The following GNA14 variants were observed in gnomAD, a reference collection of about 807,000 sequenced individuals.
The protein encoded by GNA14 is G protein subunit alpha 14, also known as guanine nucleotide-binding protein subunit alpha-14.
A neutral mutation model predicts 42.0 loss-of-function variants in GNA14; 50 were observed. That is an observed-to-expected ratio of 1.19 (90% CI 0.95 to 1.51). The LOEUF is 1.51. Ranked by LOEUF, GNA14 falls within the 40% of genes most tolerant of loss-of-function variation. The pLI is 0.00. For synonymous variants in GNA14, 173 were observed against 163.1 expected, an observed-to-expected ratio of 1.06 and a Z score of -0.46; for missense variants, 473 against 446.2, an observed-to-expected ratio of 1.06 and a Z score of -0.54.
chr9:77,576,826 T>G (rs1259521697), intron 1 of GNA14, among the ~76,000 whole-genome samples: 1 of 151,970 alleles, frequency 6.6e-6, no homozygotes, highest in African/African-American at 2.4e-5. Flanking sequence ...TCCCAATTTA[T>G]GAGTGTTATC....
intron 1 of GNA14, among the ~76,000 whole-genome samples, chr9:77,632,481 A>G (rs374290372): frequency 3.9e-5 from 6 of 152,168 alleles, no homozygotes; most frequent in African/African-American, 1.4e-4. Context: ...TGTAGGGGCT[A>G]AAAGAGCTGT....
intron 2 of GNA14, among the ~76,000 whole-genome samples, chr9:77,478,533 G>A (rs1437323005): frequency 6.6e-6 from 1 of 151,304 alleles, no homozygotes; most frequent in Non-Finnish European, 1.5e-5. Context: ...AATCCTTTGG[G>A]TATATACCCA....
intron 2 of GNA14, among the ~76,000 whole-genome samples, chr9:77,440,849 G>A (rs1394736092): frequency 6.6e-6 from 1 of 152,002 alleles, no homozygotes; most frequent in Non-Finnish European, 1.5e-5. Flanking sequence ...CTGAGTAGCT[G>A]GGATTACAGG....
rs149887899 is a variant in GNA14, at chr9:77,635,566, A to G, written c.124+12104T>C. Among the ~76,000 whole-genome samples, 162 of 152,292 alleles carry G rather than the reference A, an allele frequency of 1.1e-3. 1 individual carries two copies. Among genetic ancestry groups the G allele is most frequent in the African/African-American group, 3.8e-3 (158 of 41,564 alleles). ...TTTAAATTTGTACTATCTGGTAAGG[A>G]AAAAAGAGAGAAAAGTAAATTACCT... On this transcript the variant is annotated intron_variant, in intron 1 of 6. Coordinates refer to ENST00000341700, the MANE Select transcript of GNA14 (RefSeq NM_004297.4).
intron 1 of GNA14, among the ~76,000 whole-genome samples, chr9:77,629,228 A>T (rs1824058368): frequency 6.6e-6 from 1 of 152,214 alleles, no homozygotes; most frequent in African/African-American, 2.4e-5. Context: ...GTCAGGAAAC[A>T]ACAGATGCTA....
chr9:77,524,400 C>T (rs1837403089), intron 2 of GNA14, among the ~76,000 whole-genome samples: 2 of 152,186 alleles, frequency 1.3e-5, no homozygotes, highest in African/African-American at 4.8e-5. Flanking sequence ...TTTAAATTCT[C>T]TTCTACATAC....
At chr9:77,614,588 T>A (rs1019706351) in intron 1 of GNA14, among the ~76,000 whole-genome samples, 4 of 152,122 alleles carry the variant, frequency 2.6e-5, no homozygotes, top group Admixed American at 6.5e-5. Context: ...TCACAATGCA[T>A]CCTCAAAATA....
At chr9:77,496,672 G>C (rs1426894836) in intron 2 of GNA14, among the ~76,000 whole-genome samples, 1 of 152,218 alleles carries the variant, frequency 6.6e-6, no homozygotes, top group Admixed American at 6.5e-5. Flanking sequence ...TTTCAGCCAA[G>C]AGGGAGAATC....
At chr9:77,639,870 T>G (rs1824231992) in intron 1 of GNA14, among the ~76,000 whole-genome samples, 1 of 152,236 alleles carries the variant, frequency 6.6e-6, no homozygotes, top group East Asian at 1.9e-4. Context: ...AGAGCCAATC[T>G]TCATAATGAA....
chr9:77,488,173 G>A (rs1484689041), intron 2 of GNA14, among the ~76,000 whole-genome samples: 1 of 152,162 alleles, frequency 6.6e-6, no homozygotes, highest in Non-Finnish European at 1.5e-5. Context: ...ATATTTCCTA[G>A]GGGCACAGAG....
intron 1 of GNA14, among the ~76,000 whole-genome samples, chr9:77,540,859 T>G (rs1837651384): frequency 6.6e-6 from 1 of 152,068 alleles, no homozygotes; most frequent in Non-Finnish European, 1.5e-5. Flanking sequence ...GCAAGTAAAG[T>G]GGGTTTCTTG....
intron 2 of GNA14, among the ~76,000 whole-genome samples, chr9:77,461,810 G>A (rs1196515410): frequency 6.6e-6 from 1 of 152,136 alleles, no homozygotes; most frequent in African/African-American, 2.4e-5. Flanking sequence ...AGTGCTTTCT[G>A]ATATTCTCCT....
rs1276481734 is a variant in GNA14 at position 77,515,983 on chromosome 9, A to AAAAAAAAAAAAAAC, written c.309+13085_309+13086insGTTTTTTTTTTTTT. Among the ~76,000 whole-genome samples, 390 of 145,314 alleles carry AAAAAAAAAAAAAAC rather than the reference A, an allele frequency of 2.7e-3. 4 individuals carry two copies. Among genetic ancestry groups the AAAAAAAAAAAAAAC allele is most frequent in the East Asian group, 0.011 (49 of 4,488 alleles). ...CACAAAAAAAAAAAAAAAAAAAAAA[A>AAAAAAAAAAAAAAC]CCCAGAGCAGGAAGAGACAGCCATG... On this transcript the variant is annotated intron_variant, in intron 2 of 6. Transcript: ENST00000341700.
intron 2 of GNA14, among the ~76,000 whole-genome samples, chr9:77,464,333 G>GTGTGTGTGTGTATATATA (rs2131715189): frequency 8.1e-6 from 1 of 123,440 alleles, no homozygotes; most frequent in African/African-American, 3.3e-5. Flanking sequence ...GTATATATAT[G>GTGTGTGTGTGTATATATA]TGTGTGTGTG....
intron 1 of GNA14, among the ~76,000 whole-genome samples, chr9:77,547,223 G>A (rs951411719): frequency 6.6e-6 from 1 of 152,118 alleles, no homozygotes; most frequent in African/African-American, 2.4e-5. Flanking sequence ...CAGACAGTGG[G>A]GAAACACAGT....
chr9:77,502,597 G>T (rs1010163590), intron 2 of GNA14, among the ~76,000 whole-genome samples: 1 of 152,110 alleles, frequency 6.6e-6, no homozygotes, highest in African/African-American at 2.4e-5. Flanking sequence ...CGGTTGGGGT[G>T]GCCTTGTTAA....
chr9:77,483,149 G>A (rs1386792227), intron 2 of GNA14, among the ~76,000 whole-genome samples: 1 of 152,088 alleles, frequency 6.6e-6, no homozygotes, highest in South Asian at 2.1e-4. Context: ...AGAGTTTCCA[G>A]TTTTTCTGCT....
intron 1 of GNA14, among the ~76,000 whole-genome samples, chr9:77,602,138 A>G (rs1019571058): frequency 6.6e-6 from 1 of 152,158 alleles, no homozygotes; most frequent in African/African-American, 2.4e-5. Flanking sequence ...TGCACCATGA[A>G]TGATATTGCC....
At chr9:77,605,838 G>C (rs183569184) in intron 1 of GNA14, among the ~76,000 whole-genome samples, 1 of 152,308 alleles carries the variant, frequency 6.6e-6, no homozygotes, top group African/African-American at 2.4e-5. Flanking sequence ...TTGAAATTAT[G>C]AAGTTGAATT....
Sources: allele counts gnomAD v4.1 joint callset (sites outside exome capture counted in the v4.1 genomes callset), GRCh38; gene constraint gnomAD v4.1.1; transcripts MANE v1.5; gene names NCBI Gene and HGNC (gene_info 2026-07-23, HGNC 2026-07-21).